Variants in IMMT observed in about 807,000 individuals in gnomAD.
IMMT encodes MICOS complex subunit MIC60.
Under a neutral mutation model 92.7 loss-of-function variants are expected in IMMT, and 40 were observed. The ratio of observed to expected loss-of-function variants is 0.43; its 90% CI spans 0.34 to 0.56. IMMT has a LOEUF of 0.56. IMMT is among the 20% of genes least tolerant of loss of function. The pLI is 0.03. For synonymous variants in IMMT, 322 were observed against 336.1 expected (o/e 0.96, Z 0.46); for missense variants, 831 against 912.1 (o/e 0.91, Z 1.14).
At chr2:86,185,357 CTTA>C (rs1212040491) in intron 1 of IMMT, among the ~76,000 whole-genome samples, 3 of 152,034 alleles carry the variant, frequency 2.0e-5, no homozygotes, top group African/African-American at 7.3e-5. Flanking sequence ...AATAAAACTG[CTTA>C]TTGTTTTCAA....
chr2:86,157,744 C>T (rs1010823035), intron 10 of IMMT, among the ~76,000 whole-genome samples: 9 of 145,932 alleles, frequency 6.2e-5, no homozygotes, highest in South Asian at 2.2e-4. Flanking sequence ...GCCAAGATCG[C>T]GCCATTGCAC....
intron 4 of IMMT, among the ~76,000 whole-genome samples, chr2:86,171,959 ATTTTTT>A (rs869190735): frequency 2.5e-5 from 1 of 40,154 alleles, no homozygotes; most frequent in African/African-American, 7.8e-5. Flanking sequence ...TGTGTAGTAT[ATTTTTT>A]TTTTTTTTTT....
chr2:86,170,612 C>A, intron 6 of IMMT, 137 bp downstream of exon 6: 1 of 604,852 alleles, frequency 1.7e-6, no homozygotes. Flanking sequence ...ATGAATAAAG[C>A]AATGCCACTA....
In IMMT at chr2:86,144,153, A is replaced by T; in HGVS notation, c.*115T>A. On this transcript the variant is annotated 3_prime_UTR_variant, in exon 15 of 15. Coordinates refer to ENST00000410111, the MANE Select transcript of IMMT (RefSeq NM_006839.3). ...AACAGGTGTTAACATTTAGAACAGT[A>T]CTTGTAAACCTGCTCATTTCTAGAC... 1 of 1,115,954 alleles carries T rather than the reference A, an allele frequency of 9.0e-7. No individual in the cohort carries two copies. Among genetic ancestry groups the T allele is most frequent in the Non-Finnish European group, 1.3e-6 (1 of 786,424 alleles). 69.1% of individuals were successfully genotyped at this position (1,115,954 alleles called of 1,614,324 possible).
intron 1 of IMMT, among the ~76,000 whole-genome samples, chr2:86,186,537 CTT>C (rs765866981): frequency 2.0e-4 from 30 of 152,228 alleles, no homozygotes; most frequent in Non-Finnish European, 3.2e-4. Context: ...AGCTCTGCCT[CTT>C]GTCACACTTG....
chr2:86,194,958 C>A (rs1673428033), intron 1 of IMMT: 3 of 240,012 alleles, frequency 1.2e-5, no homozygotes, highest in East Asian at 8.8e-5. Context: ...CCGCTCCGCT[C>A]GTCCTGACGG....
At chr2:86,190,565 G>A (rs1673053457) in intron 1 of IMMT, among the ~76,000 whole-genome samples, 1 of 152,188 alleles carries the variant, frequency 6.6e-6, no homozygotes, top group African/African-American at 2.4e-5. Context: ...GGGACTAAGA[G>A]AAGAAAGATG....
intron 10 of IMMT, among the ~76,000 whole-genome samples, chr2:86,157,788 C>CAA (rs74548175): frequency 4.5e-4 from 38 of 84,164 alleles, no homozygotes; most frequent in Middle Eastern, 6.1e-3. Flanking sequence ...AACTTTGTCT[C>CAA]AAAAAAAAAA....
chr2:86,179,376 C>G lies in IMMT; in HGVS notation c.309+57G>C. On this transcript the variant is annotated intron_variant, in intron 3 of 14. Coordinates refer to ENST00000410111, the MANE Select transcript of IMMT (RefSeq NM_006839.3). ...GACAACTGTATTTTCAACATGAAAA[C>G]AACTTGCTTTTAAAGTATTTCATTG... The G allele has an allele frequency of 4.4e-6, 6 of 1,373,702 alleles. No individual in the cohort carries two copies. In the South Asian group the frequency reaches 9.0e-5, roughly 21 times the overall value. 85.1% of individuals were successfully genotyped at this position (1,373,702 alleles called of 1,614,324 possible). A position where few individuals can be genotyped will look rare whatever the true frequency, so the allele number is the denominator to read the frequency against.
At chr2:86,159,382 G>C (rs751529634) in intron 9 of IMMT, 154 bp downstream of exon 9, 4 of 746,272 alleles carry the variant, frequency 5.4e-6, no homozygotes, top group Non-Finnish European at 9.3e-6. Context: ...ACCACACCCA[G>C]CCAAGGCAAA....
Position 86,146,171 on chromosome 2 carries a change from T to C in IMMT, c.1560A>G (p.Gln520=), listed in dbSNP as rs750437047. ...EQNLSEKLSE[Q]ELQFRRLSQE... The stretch of plus-strand genomic sequence containing the variant: ...GACTGAGACGACGAAATTGTAATTC[T>C]TGTTCAGAGAGTTTCTCAGACAGGT... Residue 520 remains glutamine, a synonymous_variant, in exon 14 of 15, where the codon CAA becomes CAG. Transcript: ENST00000410111. 1.4e-5 allele frequency: 23 copies of C among 1,609,288 alleles called. No individual in the cohort carries two copies. Among genetic ancestry groups the C allele is most frequent in the Non-Finnish European group, 2.0e-5 (23 of 1,176,876 alleles).
chr2:86,178,948 G>C (rs1431741102), intron 3 of IMMT, among the ~76,000 whole-genome samples: 1 of 152,084 alleles, frequency 6.6e-6, no homozygotes, highest in Non-Finnish European at 1.5e-5. Flanking sequence ...TGTAATCCCA[G>C]CTACTCGGGA....
intron 4 of IMMT, among the ~76,000 whole-genome samples, chr2:86,172,543 G>A (rs1677169173): frequency 1.3e-5 from 2 of 152,124 alleles, no homozygotes; most frequent in South Asian, 4.1e-4. Flanking sequence ...AAGTTGCCCA[G>A]GCTACTTTCA....
intron 14 of IMMT, among the ~76,000 whole-genome samples, chr2:86,145,753 CCCA>C (rs1674952381): frequency 6.6e-6 from 1 of 152,090 alleles, no homozygotes; most frequent in African/African-American, 2.4e-5. Context: ...CTCCAGATAA[CCCA>C]CCAAGTCTGT....
At chr2:86,177,986 T>C (rs547443252) in intron 3 of IMMT, among the ~76,000 whole-genome samples, 126 of 152,232 alleles carry the variant, frequency 8.3e-4, no homozygotes, top group Admixed American at 1.4e-3. Context: ...AAAAGAATAA[T>C]TATCCATCTG....
chr2:86,155,758 A>G (rs1416891285), intron 10 of IMMT, among the ~76,000 whole-genome samples: 2 of 152,216 alleles, frequency 1.3e-5, no homozygotes, highest in Admixed American at 1.3e-4. Context: ...ACAAACCAGT[A>G]CTAACAAATT....
rs566188873 is a variant in IMMT at position 86,153,984 on chromosome 2, T to C, written c.1163-410A>G. Among the ~76,000 whole-genome samples, 17 of 152,160 alleles carry C rather than the reference T, an allele frequency of 1.1e-4. 2 individuals carry two copies. The South Asian group carries it at 3.5e-3, about 32-fold the overall frequency. On this transcript the variant is annotated intron_variant, in intron 10 of 14. Coordinates refer to ENST00000410111, the MANE Select transcript of IMMT (RefSeq NM_006839.3). ...CTCAAGCAATCCTCCCACCTCAGCCTCCCAAGTAACTTGGACTAGAGGTGT... is the reference window on the plus strand; with the variant it reads ...CTCAAGCAATCCTCCCACCTCAGCCCCCCAAGTAACTTGGACTAGAGGTGT...
chr2:86,144,495 C>A lies in IMMT; in HGVS notation c.2050G>T (p.Asp684Tyr). 1 of 1,613,974 alleles carries A rather than the reference C, an allele frequency of 6.2e-7. No homozygotes were observed. Among genetic ancestry groups the A allele is most frequent in the Non-Finnish European group, 8.5e-7 (1 of 1,179,898 alleles). Residue 684 changes from aspartate to tyrosine, a missense_variant, in exon 15 of 15, where the codon GAT (aspartate) becomes TAT (tyrosine). Asp to Tyr is a radical substitution (Grantham distance 160). Coordinates refer to ENST00000410111, the MANE Select transcript of IMMT (RefSeq NM_006839.3). The part of the protein sequence containing the change: ...LKPPPELCPE[D>Y]INTFKLLSYA... Reference sequence around the variant, plus strand: ...GACAGTAATTTAAATGTGTTTATATCCTCAGGGCAGAGCTCTGGGGGCGGC... The same window carrying A: ...GACAGTAATTTAAATGTGTTTATATACTCAGGGCAGAGCTCTGGGGGCGGC...
chr2:86,144,221 G>T lies in IMMT; in HGVS notation c.*47C>A. The T allele has an allele frequency of 6.2e-7, 1 of 1,601,260 alleles. No homozygotes were observed. Among genetic ancestry groups the T allele is most frequent in the South Asian group, 1.1e-5 (1 of 89,606 alleles). On this transcript the variant is annotated 3_prime_UTR_variant, in exon 15 of 15. Transcript: ENST00000410111. The stretch of plus-strand genomic sequence containing the variant: ...TGCGAACCCTTCATCTATCACTGCT[G>T]ATTTCCTTTGACATGAAATATGACT...
Sources: gnomAD v4.1 joint callset for allele counts (sites outside exome capture counted in the v4.1 genomes callset) on GRCh38, gnomAD v4.1.1 for gene constraint, MANE v1.5 for transcripts, NCBI Gene and HGNC (gene_info 2026-07-23, HGNC 2026-07-21) for gene names.